PILRA: variants seen among roughly 807,000 people sequenced by gnomAD.
The protein encoded by PILRA is paired immunoglobin like type 2 receptor alpha, also known as paired immunoglobulin-like type 2 receptor alpha.
A neutral mutation model predicts 33.1 loss-of-function variants in PILRA; 37 were observed. The observed-to-expected ratio is 1.12, with a 90% CI of 0.86 to 1.47. The LOEUF is 1.47. Among genes scored for constraint, PILRA ranks in the 40% most tolerant of loss-of-function variants. The pLI is 0.00. For missense variants in PILRA, 312 were observed against 376.2 expected, an observed-to-expected ratio of 0.83 and a Z score of 1.41; for synonymous variants, 146 against 149.9, an observed-to-expected ratio of 0.97 and a Z score of 0.19.
chr7:100,380,316 CAG>C (rs1261683318), intron 2 of PILRA, among the ~76,000 whole-genome samples: 3 of 152,076 alleles, frequency 2.0e-5, no homozygotes, highest in Non-Finnish European at 4.4e-5. Flanking sequence ...ACAGGAAAAA[CAG>C]AAAGAGGAAC....
In PILRA at chr7:100,396,811, G is replaced by A. The variant is rs550707868; in HGVS notation, c.674-1068G>A. 5.9e-5 allele frequency among the ~76,000 whole-genome samples: 9 copies of A among 152,232 alleles called. No individual in the cohort carries two copies. In the South Asian group the frequency reaches 1.0e-3, roughly 18 times the overall value. ...GATATTAAATTAATAGGAACAGAAAGTAGAATGGTGGCTGTCAGAAACCGC... is the reference window on the plus strand; with the variant it reads ...GATATTAAATTAATAGGAACAGAAAATAGAATGGTGGCTGTCAGAAACCGC... On this transcript the variant is annotated intron_variant, in intron 3 of 6. Transcript: ENST00000198536.
At chr7:100,395,137 T>G (rs1267738525) in intron 3 of PILRA, among the ~76,000 whole-genome samples, 1 of 152,168 alleles carries the variant, frequency 6.6e-6, no homozygotes, top group Non-Finnish European at 1.5e-5. Context: ...CAACCCAATT[T>G]AAAAGTGGGC....
At chr7:100,382,529 G>A (rs919669840) in intron 2 of PILRA, among the ~76,000 whole-genome samples, 1 of 152,152 alleles carries the variant, frequency 6.6e-6, no homozygotes, top group Non-Finnish European at 1.5e-5. Context: ...GATTGTAAAT[G>A]CAACAATCAG....
At chr7:100,384,226 A>G (rs1791203050) in intron 2 of PILRA, among the ~76,000 whole-genome samples, 1 of 151,804 alleles carries the variant, frequency 6.6e-6, no homozygotes. Flanking sequence ...AGTGGGGGAA[A>G]CGGAAGAACG....
At chr7:100,377,314 C>T (rs1444638263) in intron 2 of PILRA, among the ~76,000 whole-genome samples, 1 of 137,868 alleles carries the variant, frequency 7.3e-6, no homozygotes, top group African/African-American at 2.8e-5. Context: ...GATCTCGGCT[C>T]GCTGCAAACT....
At chr7:100,388,736 C>A (rs946072608) in intron 2 of PILRA, among the ~76,000 whole-genome samples, 1 of 119,210 alleles carries the variant, frequency 8.4e-6, no homozygotes, top group Admixed American at 1.1e-4. Context: ...GGTGACAGAG[C>A]GAGCCTCCGT....
Position 100,399,341 on chromosome 7 carries a change from G to C in PILRA, c.757+1G>C, listed in dbSNP as rs1019519061. On this transcript the variant is annotated splice_donor_variant, in intron 5 of 6. Transcript: ENST00000198536. LOFTEE classifies it high-confidence loss of function. The stretch of plus-strand genomic sequence containing the variant: ...CCATATGAGAATATCAGGAATGAAG[G>C]TGAGTCCTTACCACCATCCTTCCCC... The C allele has an allele frequency of 6.2e-7, 1 of 1,611,578 alleles. No individual in the cohort carries two copies. The highest frequency in any genetic ancestry group is 1.3e-5 in the African/African-American group (1 of 74,968).
intron 3 of PILRA, among the ~76,000 whole-genome samples, chr7:100,391,985 CCTGAT>C (rs796668307): frequency 1.4e-4 from 21 of 152,250 alleles, no homozygotes; most frequent in African/African-American, 4.6e-4. Flanking sequence ...ATCCTCCAAA[CCTGAT>C]CTGAAGTTAC....
intron 2 of PILRA, 47 bp from the exon 3 acceptor site, chr7:100,389,841 C>A (rs748616010): frequency 2.6e-6 from 4 of 1,535,930 alleles, no homozygotes; most frequent in Non-Finnish European, 3.6e-6. Context: ...CACCCAGACA[C>A]CCTGTGCCCC....
In PILRA at chr7:100,373,714, C is replaced by T. The variant is rs1195625477; in HGVS notation, c.58C>T (p.Gln20Ter). 1 of 1,613,224 alleles carries T rather than the reference C, an allele frequency of 6.2e-7. No homozygotes were observed. Among genetic ancestry groups the T allele is most frequent in the Non-Finnish European group, 8.5e-7 (1 of 1,179,952 alleles). Residue 20 changes from glutamine (Q) to a stop codon, truncating the protein, a stop_gained, in exon 1 of 7, where the codon CAG becomes TAG. Transcript: ENST00000198536. LOFTEE classifies it high-confidence loss of function. Reference sequence around the variant, plus strand: ...CTTGCTGCTGCCGCCAGCATTTCTGCAGCCTAGTGAGTACCCAGGACCACC... The same window carrying T: ...CTTGCTGCTGCCGCCAGCATTTCTGTAGCCTAGTGAGTACCCAGGACCACC... ...LPLLLPPAFL[Q>*]PSGSTGSGPS...
chr7:100,379,817 A>G (rs1196542077), intron 2 of PILRA, among the ~76,000 whole-genome samples: 1 of 152,194 alleles, frequency 6.6e-6, no homozygotes, highest in African/African-American at 2.4e-5. Context: ...CAAGAAATAT[A>G]TGAACTGGAT....
In PILRA at chr7:100,399,798, TC is replaced by T; in HGVS notation, c.804del (p.Tyr269MetfsTer33). 1 of 1,611,522 alleles carries T rather than the reference TC, an allele frequency of 6.2e-7. No homozygotes were observed. Among genetic ancestry groups the T allele is most frequent in the Non-Finnish European group, 8.5e-7 (1 of 1,178,700 alleles). On this transcript the variant is annotated frameshift_variant, in exon 7 of 7. Coordinates refer to ENST00000198536, the MANE Select transcript of PILRA (RefSeq NM_013439.3). LOFTEE classifies it low-confidence loss of function (END_TRUNC). Reference sequence around the variant, plus strand: ...GTTCTCGCCCAGGATGACGGCATCGTCTATGCTTCCCTTGCCCTCTCCAGCT... The same window carrying T: ...GTTCTCGCCCAGGATGACGGCATCGTTATGCTTCCCTTGCCCTCTCCAGCT... The part of the protein sequence containing the change: ...PKLNPKDDGI[V>X]YASLALSSST...
At position 100,374,501 on chromosome 7, in the gene PILRA, C is replaced by T. The variant is rs759117916; in HGVS notation, c.454+68C>T. 5.7e-6 allele frequency: 9 copies of T among 1,571,760 alleles called. No homozygotes were observed. The South Asian group carries it at 6.7e-5, about 12-fold the overall frequency. On this transcript the variant is annotated intron_variant, in intron 2 of 6. Transcript: ENST00000198536. ...AGGCTTTTATGATCACTGGTGACAT[C>T]GTCCCCAGCACCTCAGACCCCACTT...
Position 100,373,649 on chromosome 7 carries a change from AC to A in PILRA, c.-7del. The A allele has an allele frequency of 6.2e-7, 1 of 1,613,538 alleles. No homozygotes were observed. The highest frequency in any genetic ancestry group is 8.5e-7 in the Non-Finnish European group (1 of 1,179,940). On this transcript the variant is annotated 5_prime_UTR_variant, in exon 1 of 7. Transcript: ENST00000198536. Reference sequence around the variant, plus strand: ...TGGTCTCCCCGTCCCCTGGAGAAGAACAAGGCCATGGGTCGGCCCCTGCTGC... The same window carrying A: ...TGGTCTCCCCGTCCCCTGGAGAAGAAAAGGCCATGGGTCGGCCCCTGCTGC...
chr7:100,390,075 G>A lies in PILRA; in HGVS notation c.642G>A (p.Leu214=). ...VTVLGIMILG[L]ICLLRWRRRK... The stretch of plus-strand genomic sequence containing the variant: ...TGCTCGGAATCATGATTTTGGGACT[G>A]ATCTGCCTCCTCAGGTGGAGGAGAA... The change falls in exon 3 of 7, where the codon CTG becomes CTA. Residue 214 remains leucine, a synonymous_variant. Transcript: ENST00000198536. The A allele has an allele frequency of 6.2e-7, 1 of 1,614,056 alleles. No individual in the cohort carries two copies.
intron 2 of PILRA, among the ~76,000 whole-genome samples, chr7:100,381,876 G>A (rs1407563446): frequency 6.6e-6 from 1 of 152,192 alleles, no homozygotes; most frequent in Non-Finnish European, 1.5e-5. Flanking sequence ...CAGCAGCTGC[G>A]GAGGGTGCGC....
At chr7:100,382,680 C>T (rs889122743) in intron 2 of PILRA, among the ~76,000 whole-genome samples, 1 of 152,222 alleles carries the variant, frequency 6.6e-6, no homozygotes, top group Admixed American at 6.5e-5. Flanking sequence ...TCAACTGGCT[C>T]TGGTTCTCTT....
At chr7:100,391,398 CTTGG>C (rs1278094071) in intron 3 of PILRA, among the ~76,000 whole-genome samples, 2 of 151,902 alleles carry the variant, frequency 1.3e-5, no homozygotes, top group African/African-American at 2.4e-5. Flanking sequence ...ATAAATGACA[CTTGG>C]TTGGTTGGGC....
chr7:100,381,761 C>T lies in PILRA; in HGVS notation c.454+7328C>T, dbSNP rs532413604. ...CGCGGGCGGGAACCGGGGCTGCGCG[C>T]GGCGCTTGCGGGCCAGCTAGAGTTC... On this transcript the variant is annotated intron_variant, in intron 2 of 6. Transcript: ENST00000198536. 2.8e-3 allele frequency among the ~76,000 whole-genome samples: 429 copies of T among 152,214 alleles called. 3 individuals carry two copies. Among genetic ancestry groups the T allele is most frequent in the African/African-American group, 9.9e-3 (411 of 41,554 alleles).
Sources: gnomAD v4.1 joint callset for allele counts (sites outside exome capture counted in the v4.1 genomes callset) on GRCh38, gnomAD v4.1.1 for gene constraint, MANE v1.5 for transcripts, NCBI Gene and HGNC (gene_info 2026-07-23, HGNC 2026-07-21) for gene names.